Variants in AGBL1 observed in about 807,000 individuals in gnomAD.
AGBL1 encodes AGBL carboxypeptidase 1.
Under a neutral mutation model 118.9 loss-of-function variants are expected in AGBL1, and 130 were observed. That is an observed-to-expected ratio of 1.09 (90% confidence interval 0.95 to 1.26). The LOEUF (loss-of-function observed/expected upper bound fraction) is 1.26, where lower values mean the gene tolerates loss of function less well. AGBL1 is among the 50% of genes most tolerant of loss of function. The pLI, the probability that AGBL1 is intolerant of heterozygous loss-of-function variation, is 0.00. For missense variants in AGBL1, 1,584 were observed against 1,298.1 expected (o/e 1.22, Z -3.38); for synonymous variants, 555 against 478.9 (o/e 1.16, Z -2.08).
chr15:86,201,251 G>A (rs973780331), intron 5 of AGBL1, among the ~76,000 whole-genome samples: 2 of 152,206 alleles, frequency 1.3e-5, no homozygotes, highest in Non-Finnish European at 2.9e-5. Context: ...ATAATGGGAA[G>A]TTCTATGTAG....
intron 22 of AGBL1, 69 bp downstream of exon 22, chr15:86,674,505 G>C: frequency 6.7e-7 from 1 of 1,497,658 alleles, no homozygotes. Context: ...TCTCAGTAAT[G>C]AAAGTCGAGT....
chr15:86,322,100 G>A (rs2080112976), intron 17 of AGBL1, among the ~76,000 whole-genome samples: 1 of 150,212 alleles, frequency 6.7e-6, no homozygotes, highest in Admixed American at 6.7e-5. Context: ...TATCTCGTGT[G>A]CATGAAAGGA....
chr15:86,497,046 T>C (rs890294520), intron 18 of AGBL1, among the ~76,000 whole-genome samples: 2 of 152,050 alleles, frequency 1.3e-5, no homozygotes, highest in African/African-American at 4.8e-5. Context: ...AATATCTCTA[T>C]ACCTTCCCAA....
chr15:86,668,434 A>G (rs1460151453), intron 21 of AGBL1, among the ~76,000 whole-genome samples: 1 of 152,164 alleles, frequency 6.6e-6, no homozygotes, highest in Non-Finnish European at 1.5e-5. Context: ...CCAATGCAAT[A>G]TACTCATTTC....
chr15:86,192,022 G>T (rs1397269930), intron 5 of AGBL1, among the ~76,000 whole-genome samples: 1 of 151,486 alleles, frequency 6.6e-6, no homozygotes, highest in Non-Finnish European at 1.5e-5. Flanking sequence ...GGTCGCTTGA[G>T]CCCAAGAGTT....
intron 6 of AGBL1, among the ~76,000 whole-genome samples, chr15:86,231,954 G>T (rs753834580): frequency 2.0e-5 from 3 of 152,160 alleles, no homozygotes; most frequent in Non-Finnish European, 4.4e-5. Flanking sequence ...CATCTGAGTG[G>T]GACCCAGCAA....
chr15:86,652,196 C>A (rs575363620), intron 21 of AGBL1, among the ~76,000 whole-genome samples: 8 of 152,120 alleles, frequency 5.3e-5, no homozygotes, highest in Admixed American at 2.6e-4. Context: ...GATTGGCAGA[C>A]AATATATGGA....
At chr15:86,548,583 T>C in intron 20 of AGBL1, among the ~76,000 whole-genome samples, 1 of 151,958 alleles carries the variant, frequency 6.6e-6, no homozygotes. Context: ...TGACTGGGGC[T>C]GCTCCTGACA....
intron 22 of AGBL1, among the ~76,000 whole-genome samples, chr15:86,854,554 G>T (rs1017439196): frequency 2.0e-5 from 3 of 152,292 alleles, no homozygotes; most frequent in Admixed American, 6.5e-5. Context: ...TGGAGCCAGT[G>T]TTACATGCAC....
At chr15:86,370,519 T>C (rs1596027194) in intron 17 of AGBL1, among the ~76,000 whole-genome samples, 1 of 152,112 alleles carries the variant, frequency 6.6e-6, no homozygotes, top group Non-Finnish European at 1.5e-5. Flanking sequence ...GGTCTTGAAC[T>C]CCTGACCTCA....
At chr15:86,288,395 T>A (rs2079488408) in intron 16 of AGBL1, among the ~76,000 whole-genome samples, 1 of 152,164 alleles carries the variant, frequency 6.6e-6, no homozygotes. Flanking sequence ...TACCCAGATG[T>A]CTACTTCTTA....
At chr15:86,208,246 A>G (rs953350909) in intron 5 of AGBL1, among the ~76,000 whole-genome samples, 5 of 152,184 alleles carry the variant, frequency 3.3e-5, no homozygotes, top group African/African-American at 9.7e-5. Flanking sequence ...GGATTTTTGC[A>G]TCGATGTTCA....
At chr15:86,339,975 A>G (rs566898047) in intron 17 of AGBL1, among the ~76,000 whole-genome samples, 3 of 152,260 alleles carry the variant, frequency 2.0e-5, no homozygotes, top group Non-Finnish European at 4.4e-5. Context: ...AAAAAAAAAA[A>G]AAAGTTTTTA....
At chr15:86,197,344 C>T (rs1303962279) in intron 5 of AGBL1, among the ~76,000 whole-genome samples, 3 of 152,164 alleles carry the variant, frequency 2.0e-5, no homozygotes, top group East Asian at 1.9e-4. Flanking sequence ...AAGTGCAGCG[C>T]GATGGAAAGA....
At chr15:86,339,235 G>T (rs1374125423) in intron 17 of AGBL1, among the ~76,000 whole-genome samples, 2 of 152,052 alleles carry the variant, frequency 1.3e-5, no homozygotes, top group Non-Finnish European at 2.9e-5. Flanking sequence ...TTTTTTCCCC[G>T]ATAGGTAAGG....
intron 23 of AGBL1, among the ~76,000 whole-genome samples, chr15:86,951,018 G>T (rs1479044581): frequency 6.6e-6 from 1 of 152,192 alleles, no homozygotes; most frequent in Non-Finnish European, 1.5e-5. Flanking sequence ...CAAATGCAGA[G>T]TTCTACAAAA....
chr15:86,521,517 G>C (rs2142198357), intron 18 of AGBL1, among the ~76,000 whole-genome samples: 1 of 152,258 alleles, frequency 6.6e-6, no homozygotes, highest in South Asian at 2.1e-4. Context: ...TAAGGACTCT[G>C]ATCAAGGGGG....
chr15:86,784,023 C>T (rs1205648026), intron 22 of AGBL1, among the ~76,000 whole-genome samples: 1 of 152,148 alleles, frequency 6.6e-6, no homozygotes, highest in Non-Finnish European at 1.5e-5. Flanking sequence ...GTCAGAGTGA[C>T]GTGAGATTAA....
intron 23 of AGBL1, among the ~76,000 whole-genome samples, chr15:86,959,831 C>A (rs16978124): frequency 0.059 from 8,995 of 152,046 alleles, 435 homozygotes; most frequent in East Asian, 0.24. Flanking sequence ...GAGTTTCTCT[C>A]CACTTCTCTA....
Sources: gnomAD v4.1 joint callset for allele counts (sites outside exome capture counted in the v4.1 genomes callset) on GRCh38, gnomAD v4.1.1 for gene constraint, MANE v1.5 for transcripts, NCBI Gene and HGNC (gene_info 2026-07-23, HGNC 2026-07-21) for gene names.